Variants in ANKAR observed in about 807,000 individuals in gnomAD.
ANKAR encodes ankyrin and armadillo repeat-containing protein.
A neutral mutation model predicts 146.2 loss-of-function variants in ANKAR; 136 were observed. That is an observed-to-expected ratio of 0.93 (90% CI 0.81 to 1.07). The LOEUF (loss-of-function observed/expected upper bound fraction) is 1.07, where lower values mean the gene tolerates loss of function less well. ANKAR is among the 50% of genes least tolerant of loss of function. ANKAR has a pLI of 0.00. For missense variants in ANKAR, 1,567 were observed against 1,679.9 expected (o/e 0.93, Z 1.18); for synonymous variants, 500 against 575.8 (o/e 0.87, Z 1.88).
chr2:189,750,501 C>A (rs1254879402), downstream of ANKAR: 2 of 725,530 alleles, frequency 2.8e-6, no homozygotes, highest in Non-Finnish European at 4.6e-6. Flanking sequence ...ATATCTTCTA[C>A]AATTTGATAC....
intron 10 of ANKAR, among the ~76,000 whole-genome samples, chr2:189,717,796 A>G (rs1040061140): frequency 1.3e-5 from 2 of 152,192 alleles, no homozygotes; most frequent in African/African-American, 2.4e-5. Flanking sequence ...AGGGACATGG[A>G]TGACGCTGGA....
Position 189,728,031 on chromosome 2 carries a change from C to A in ANKAR, c.2811C>A (p.His937Gln), listed in dbSNP as rs756350110. The change falls in exon 13 of 23, where the codon CAC (histidine) becomes CAA (glutamine). Residue 937 changes from histidine to glutamine, a missense_variant. By Grantham distance (24) the His-to-Gln change is conservative (BLOSUM62 0). Coordinates refer to ENST00000684021, the MANE Select transcript of ANKAR (RefSeq NM_001378068.1). Reference protein sequence around the residue: ...GAMAVESLASHNALIQKAFLE... With the variant: ...GAMAVESLASQNALIQKAFLE... ...TGGCTGTGGAATCACTGGCAAGTCA[C>A]AACGCTCTTATACAGAAAGCATTTC... The A allele has an allele frequency of 6.2e-7, 1 of 1,613,970 alleles. No homozygotes were observed. Among genetic ancestry groups the A allele is most frequent in the Admixed American group, 1.7e-5 (1 of 59,974 alleles).
At chr2:189,713,252 C>T (rs2039955399) in intron 10 of ANKAR, among the ~76,000 whole-genome samples, 1 of 152,140 alleles carries the variant, frequency 6.6e-6, no homozygotes, top group Non-Finnish European at 1.5e-5. Flanking sequence ...ACATTCAATT[C>T]AGGAAATACA....
At chr2:189,701,259 C>T (rs191418291) in intron 7 of ANKAR, among the ~76,000 whole-genome samples, 270 of 151,702 alleles carry the variant, frequency 1.8e-3, no homozygotes, top group Non-Finnish European at 2.6e-3. Flanking sequence ...ATTTTTGAGA[C>T]AGGGTATTTA....
chr2:189,704,542 AAC>A (rs1486124079), intron 7 of ANKAR, among the ~76,000 whole-genome samples: 1 of 72,062 alleles, frequency 1.4e-5, no homozygotes, highest in East Asian at 4.5e-4. Flanking sequence ...GGCCTTTGTT[AAC>A]ATATATATAT....
chr2:189,685,149 G>GA (rs1034254392), intron 2 of ANKAR, among the ~76,000 whole-genome samples: 77 of 151,962 alleles, frequency 5.1e-4, no homozygotes, highest in African/African-American at 1.8e-3. Context: ...GGGACTACAG[G>GA]AACTTGCCAC....
intron 9 of ANKAR, 145 bp from the exon 10 acceptor site, chr2:189,710,904 A>C: frequency 1.6e-6 from 1 of 638,162 alleles, no homozygotes; most frequent in Non-Finnish European, 2.8e-6. Flanking sequence ...AGCTGTGCAC[A>C]GAGGGGAATT....
At position 189,692,397 on chromosome 2, in the gene ANKAR, G is replaced by A; in HGVS notation, c.1182G>A (p.Glu394=). 6.2e-7 allele frequency: 1 copy of A among 1,611,016 alleles called. No individual in the cohort carries two copies. Among genetic ancestry groups the A allele is most frequent in the Non-Finnish European group, 8.5e-7 (1 of 1,179,142 alleles). ...IEFDISTPSI[E]NALEDFQKNL... is the part of the protein sequence containing the mutation. ...TTGATATCAGCACCCCTTCAATTGA[G>A]AATGCCTTGGAAGATTTTCAGGTTT... The change falls in exon 4 of 23, where the codon GAG becomes GAA. Residue 394 remains glutamate, a synonymous_variant. Coordinates refer to ENST00000684021, the MANE Select transcript of ANKAR (RefSeq NM_001378068.1).
intron 14 of ANKAR, 26 bp from the exon 15 acceptor site, chr2:189,728,634 A>G: frequency 6.2e-7 from 1 of 1,609,424 alleles, no homozygotes; most frequent in Non-Finnish European, 8.5e-7. Context: ...GGAGTATCAT[A>G]CATGTATCTT....
downstream of ANKAR, chr2:189,761,352 G>T: frequency 6.6e-7 from 1 of 1,513,808 alleles, no homozygotes; most frequent in South Asian, 1.3e-5. Flanking sequence ...TTTTATATAT[G>T]ACAAATACAA....
downstream of ANKAR, among the ~76,000 whole-genome samples, chr2:189,748,061 A>G (rs2044434384): frequency 2.0e-5 from 3 of 152,300 alleles, no homozygotes; most frequent in South Asian, 2.1e-4. Flanking sequence ...GGGTCTTGCT[A>G]TAATCCATTC....
downstream of ANKAR, chr2:189,747,210 A>G (rs1362312511): frequency 1.3e-5 from 2 of 152,490 alleles, no homozygotes; most frequent in African/African-American, 2.4e-5. Context: ...ATGGACATGC[A>G]CACCTGTAGT....
intron 10 of ANKAR, among the ~76,000 whole-genome samples, chr2:189,716,105 A>T (rs920019966): frequency 2.6e-5 from 4 of 152,192 alleles, no homozygotes; most frequent in African/African-American, 9.7e-5. Context: ...CAGGCAAGAG[A>T]AAGAAATAAA....
intron 18 of ANKAR, among the ~76,000 whole-genome samples, chr2:189,753,472 CA>C (rs1467876736): frequency 2.0e-5 from 3 of 151,902 alleles, no homozygotes; most frequent in African/African-American, 4.8e-5. Context: ...TTGGCTGGTA[CA>C]ATATAGTGGA....
intron 9 of ANKAR, among the ~76,000 whole-genome samples, chr2:189,708,022 C>A (rs2252487): frequency 0.98 from 149,441 of 152,276 alleles, 73,388 homozygotes; most frequent in East Asian, 1. Flanking sequence ...AATTCTCCTT[C>A]AGAAATAGAA....
chr2:189,689,280 C>T (rs907465879), intron 2 of ANKAR, among the ~76,000 whole-genome samples: 1 of 152,152 alleles, frequency 6.6e-6, no homozygotes, highest in Non-Finnish European at 1.5e-5. Flanking sequence ...TGTCTGACCT[C>T]CCATCCCATC....
intron 20 of ANKAR, 66 bp downstream of exon 20, chr2:189,741,517 G>A (rs1253334041): frequency 8.3e-7 from 1 of 1,210,908 alleles, no homozygotes; most frequent in Non-Finnish European, 1.2e-6. Context: ...CTCTCCCTCT[G>A]TGGACTAATT....
In ANKAR at chr2:189,745,981, A is replaced by G. The variant is rs574307409; in HGVS notation, c.4058-399A>G. ...CTAAACAACAACCTGTTTATCAGTC[A>G]TGATCTGATGAAGTTTTCACAGGTT... On this transcript the variant is annotated intron_variant, in intron 22 of 22. Transcript: ENST00000684021. 3.9e-5 allele frequency among the ~76,000 whole-genome samples: 6 copies of G among 152,366 alleles called. No individual in the cohort carries two copies. The South Asian group carries it at 1.2e-3, about 32-fold the overall frequency.
intron 17 of ANKAR, among the ~76,000 whole-genome samples, chr2:189,733,798 GT>G (rs571379187): frequency 1.3e-5 from 2 of 150,382 alleles, no homozygotes; most frequent in Admixed American, 6.6e-5. Context: ...TCCCTTTTTT[GT>G]TTTTTTTATT....
Sources: gnomAD v4.1 joint callset for allele counts (sites outside exome capture counted in the v4.1 genomes callset) on GRCh38, gnomAD v4.1.1 for gene constraint, MANE v1.5 for transcripts, NCBI Gene and HGNC (gene_info 2026-07-23, HGNC 2026-07-21) for gene names.